PRKRA: variants seen among roughly 807,000 people sequenced by gnomAD.
The protein encoded by PRKRA is interferon-inducible double-stranded RNA-dependent protein kinase activator A.
In PRKRA, 22 loss-of-function variants were observed where a neutral mutation model predicts 32.4. That is an observed-to-expected ratio of 0.68 (90% CI 0.49 to 0.97). PRKRA has a LOEUF of 0.97. Ranked by LOEUF, PRKRA falls within the 50% of genes least tolerant of loss-of-function variation. The probability of loss-of-function intolerance (pLI) is 0.00; values close to 1 mark genes in which losing one functional copy is unlikely to be tolerated. For synonymous variants in PRKRA, 139 were observed against 129.8 expected, an observed-to-expected ratio of 1.07 and a Z score of -0.48; for missense variants, 319 against 375.6, an observed-to-expected ratio of 0.85 and a Z score of 1.25.
Position 178,441,579 on chromosome 2 carries a change from CAT to C in PRKRA, c.609+29_609+30del. 4.1e-6 allele frequency: 3 copies of C among 723,352 alleles called. No homozygotes were observed. The South Asian group carries it at 5.6e-5, about 13-fold the overall frequency. The allele number at this position is 723,352 out of a possible 1,614,324, so 44.8% of individuals were successfully genotyped here. A position where few individuals can be genotyped will look rare whatever the true frequency, so the allele number is the denominator to read the frequency against. On this transcript the variant is annotated intron_variant, in intron 6 of 7. Transcript: ENST00000325748. ...TCCTACTGCAAGAAATGCTTAATGA[CAT>C]TAACATCATAGCTGTCAACATTACT... is the stretch of plus-strand genomic sequence containing the variant.
intron 2 of PRKRA, 75 bp from the exon 3 acceptor site, chr2:178,447,661 C>G: frequency 6.5e-7 from 1 of 1,528,498 alleles, no homozygotes; most frequent in Non-Finnish European, 9.0e-7. Context: ...TTTCAATACA[C>G]AAAACAAAGT....
chr2:178,431,967 G>T lies in PRKRA; in HGVS notation c.*130C>A. 1 of 1,089,848 alleles carries T rather than the reference G, an allele frequency of 9.2e-7. No individual in the cohort carries two copies. Among genetic ancestry groups the T allele is most frequent in the Non-Finnish European group, 1.4e-6 (1 of 740,162 alleles). 67.5% of individuals were successfully genotyped at this position (1,089,848 alleles called of 1,614,324 possible). ...CAACTATGAGGAGATAATTAAATCT[G>T]GAGTGTTGATGGAATCTATGAAGAG... On this transcript the variant is annotated 3_prime_UTR_variant, in exon 8 of 8. Coordinates refer to ENST00000325748, the MANE Select transcript of PRKRA (RefSeq NM_003690.5).
chr2:178,444,400 G>A lies in PRKRA; in HGVS notation c.396+22C>T, dbSNP rs749120230. 6 of 766,064 alleles carry A rather than the reference G, an allele frequency of 7.8e-6. No homozygotes were observed. The Admixed American group carries it at 1.4e-4, about 18-fold the overall frequency. 47.5% of individuals were successfully genotyped at this position (766,064 alleles called of 1,614,324 possible). A position where few individuals can be genotyped will look rare whatever the true frequency, so the allele number is the denominator to read the frequency against. ...AAACTTATTATATATTTCATCAGTA[G>A]GCAAAGAACTGTACAACTTACCTGT... On this transcript the variant is annotated intron_variant, in intron 4 of 7. Transcript: ENST00000325748.
At chr2:178,444,033 C>T in intron 4 of PRKRA, 1 of 177,448 alleles carries the variant, frequency 5.6e-6, no homozygotes, top group East Asian at 1.5e-4. Flanking sequence ...GTAGAATAAG[C>T]AAATAGACTC....
At position 178,447,497 on chromosome 2, in the gene PRKRA, T is replaced by G. The variant is rs1284792035; in HGVS notation, c.317+8A>C. ...TTGAGCTGCTGAATACAAAGAAATTTAGCTCACCAAATACTTGCATTGGCT... is the reference window on the plus strand; with the variant it reads ...TTGAGCTGCTGAATACAAAGAAATTGAGCTCACCAAATACTTGCATTGGCT... On this transcript the variant is annotated splice_region_variant and intron_variant, in intron 3 of 7. Transcript: ENST00000325748. The G allele has an allele frequency of 3.1e-6, 3 of 971,640 alleles. No individual in the cohort carries two copies. Among genetic ancestry groups the G allele is most frequent in the Non-Finnish European group, 4.5e-6 (3 of 661,054 alleles). 60.2% of individuals were successfully genotyped at this position (971,640 alleles called of 1,614,324 possible).
chr2:178,441,851 GTT>G lies in PRKRA; in HGVS notation c.515-149_515-148del, dbSNP rs1697127566. 1.2e-5 allele frequency: 7 copies of G among 573,118 alleles called. No individual in the cohort carries two copies. The South Asian group carries it at 1.5e-4, about 12-fold the overall frequency. 35.5% of individuals were successfully genotyped at this position (573,118 alleles called of 1,614,324 possible). A position where few individuals can be genotyped will look rare whatever the true frequency, so the allele number is the denominator to read the frequency against. ...ATGTTCTTACTGACCTGATAACTTTGTTTGTTATGCTATTTTGTTTGTATAGC... is the reference window on the plus strand; with the variant it reads ...ATGTTCTTACTGACCTGATAACTTTGTGTTATGCTATTTTGTTTGTATAGC... On this transcript the variant is annotated intron_variant, in intron 5 of 7. Transcript: ENST00000325748.
chr2:178,450,727 G>A (rs937421341), intron 1 of PRKRA: 1 of 1,369,972 alleles, frequency 7.3e-7, no homozygotes, highest in African/African-American at 1.5e-5. Context: ...TCCCGGGCGC[G>A]CCGACCGAGC....
chr2:178,444,288 A>C (rs1697231639), intron 4 of PRKRA, 134 bp downstream of exon 4: 2 of 755,484 alleles, frequency 2.6e-6, no homozygotes, highest in African/African-American at 1.8e-5. Flanking sequence ...AGCTCTGTTA[A>C]TCTAATGATC....
At chr2:178,441,550 A>G in intron 6 of PRKRA, 60 bp downstream of exon 6, 3 of 1,315,218 alleles carry the variant, frequency 2.3e-6, no homozygotes, top group South Asian at 2.4e-5. Flanking sequence ...AATCAAGGAA[A>G]GTTTCCTACT....
chr2:178,436,771 CA>C (rs912512486), intron 6 of PRKRA, among the ~76,000 whole-genome samples: 5 of 150,114 alleles, frequency 3.3e-5, no homozygotes, highest in African/African-American at 1.2e-4. Context: ...GGAAAAAAAA[CA>C]GAAAAAAAAA....
In PRKRA at chr2:178,432,102, T is replaced by C. The variant is rs1696680021; in HGVS notation, c.937A>G (p.Lys313Glu). 1.2e-5 allele frequency: 20 copies of C among 1,614,200 alleles called. No individual in the cohort carries two copies. The highest frequency in any genetic ancestry group is 1.7e-5 in the Non-Finnish European group (20 of 1,180,020). Residue 313 changes from lysine to glutamate, a missense_variant, in exon 8 of 8, where the codon AAG becomes GAG. Transcript: ENST00000325748. ...LQYLKIIAERK is the reference protein window; with the variant it reads ...LQYLKIIAERE ...TTTTTTAAGTTGCTCCAGATTTACT[T>C]TCTTTCTGCTATTATCTTTAAATAC... is the stretch of plus-strand genomic sequence containing the variant.
At chr2:178,450,941 G>GGGCCCTGA in intron 1 of PRKRA, 25 bp downstream of exon 1, 1 of 788,472 alleles carries the variant, frequency 1.3e-6, no homozygotes, top group East Asian at 6.1e-5. Flanking sequence ...CCCGGCCCTG[G>GGGCCCTGA]GGCCCTGACT....
chr2:178,447,435 T>A, intron 3 of PRKRA, 70 bp downstream of exon 3: 1 of 1,331,820 alleles, frequency 7.5e-7, no homozygotes, highest in Non-Finnish European at 9.8e-7. Flanking sequence ...TTTGTAAGCA[T>A]GTTCAAATTT....
intron 7 of PRKRA, among the ~76,000 whole-genome samples, chr2:178,435,541 T>C (rs920744991): frequency 6.6e-6 from 1 of 152,216 alleles, no homozygotes; most frequent in Non-Finnish European, 1.5e-5. Flanking sequence ...CAGATGATGA[T>C]GGCTGAGATG....
intron 5 of PRKRA, among the ~76,000 whole-genome samples, 187 bp downstream of exon 5, chr2:178,443,080 T>A (rs565539430): frequency 3.3e-5 from 5 of 152,314 alleles, no homozygotes; most frequent in Admixed American, 3.3e-4. Flanking sequence ...AATATCAAAT[T>A]AAGAAGACTA....
At chr2:178,433,950 A>C (rs1696775282) in intron 7 of PRKRA, 1 of 152,232 alleles carries the variant, frequency 6.6e-6, no homozygotes, top group Non-Finnish European at 1.5e-5. Context: ...TCATTAATTC[A>C]TAATCTAAAA....
chr2:178,449,591 G>T (rs1485821158), intron 2 of PRKRA, among the ~76,000 whole-genome samples: 1 of 152,216 alleles, frequency 6.6e-6, no homozygotes, highest in Non-Finnish European at 1.5e-5. Flanking sequence ...AAGAAAGCAT[G>T]AACTTTAAAA....
intron 5 of PRKRA, among the ~76,000 whole-genome samples, chr2:178,442,907 C>T (rs1697169865): frequency 6.6e-6 from 1 of 152,118 alleles, no homozygotes; most frequent in Admixed American, 6.5e-5. Context: ...TGTAATCTTC[C>T]TCTAGTCCTA....
chr2:178,441,833 TACTG>T (rs1438551942), intron 5 of PRKRA, 129 bp from the exon 6 acceptor site: 2 of 753,314 alleles, frequency 2.7e-6, no homozygotes, highest in East Asian at 5.4e-5. Flanking sequence ...ACTATGTTCT[TACTG>T]ACCTGATAAC....
Sources: allele counts gnomAD v4.1 joint callset (sites outside exome capture counted in the v4.1 genomes callset), GRCh38; gene constraint gnomAD v4.1.1; transcripts MANE v1.5; gene names NCBI Gene and HGNC (gene_info 2026-07-23, HGNC 2026-07-21).